The following CNTN4 variants were observed in gnomAD, a reference collection of about 807,000 sequenced individuals.
The protein encoded by CNTN4 is contactin 4.
In CNTN4, 77 loss-of-function variants were observed where a neutral mutation model predicts 122.5. The observed-to-expected ratio is 0.63, with a 90% CI of 0.52 to 0.76. CNTN4 has a LOEUF of 0.76. CNTN4 is among the 30% of genes least tolerant of loss of function. The pLI is 0.00. For missense variants in CNTN4, 1,256 were observed against 1,259.1 expected, an observed-to-expected ratio of 1.00 and a Z score of 0.04; for synonymous variants, 512 against 447.0, an observed-to-expected ratio of 1.15 and a Z score of -1.83.
chr3:2,493,730 A>G (rs1415567353), intron 3 of CNTN4, among the ~76,000 whole-genome samples: 1 of 152,106 alleles, frequency 6.6e-6, no homozygotes, highest in East Asian at 1.9e-4. Context: ...CACATTCACA[A>G]CTAATACGGT....
At chr3:2,411,823 TTTC>T (rs1405207487) in intron 3 of CNTN4, among the ~76,000 whole-genome samples, 25 of 152,336 alleles carry the variant, frequency 1.6e-4, no homozygotes, top group African/African-American at 5.8e-4. Context: ...GTTTTCCCCT[TTTC>T]CATTGAGATG....
intron 4 of CNTN4, among the ~76,000 whole-genome samples, chr3:2,689,674 T>G (rs1245674356): frequency 6.6e-6 from 1 of 152,054 alleles, no homozygotes; most frequent in African/African-American, 2.4e-5. Flanking sequence ...TGGAGCAAAC[T>G]CTCTGAAATC....
At chr3:2,481,592 CTG>C (rs1559593550) in intron 3 of CNTN4, among the ~76,000 whole-genome samples, 2 of 152,168 alleles carry the variant, frequency 1.3e-5, no homozygotes, top group Non-Finnish European at 2.9e-5. Context: ...AAATTTAAAA[CTG>C]TAAAACCTCT....
chr3:2,819,570 C>T lies in CNTN4; in HGVS notation c.443C>T (p.Pro148Leu). The T allele has an allele frequency of 6.2e-6, 10 of 1,611,580 alleles. No individual in the cohort carries two copies. Among genetic ancestry groups the T allele is most frequent in the Non-Finnish European group, 8.5e-6 (10 of 1,177,700 alleles). The stretch of plus-strand genomic sequence containing the variant: ...ATGGTGCTACTGTGTGGCCCGCCAC[C>T]CCATTCTGGAGGTACATATAAATGA... ...QGMVLLCGPP[P>L]HSGELSYAWI... The change falls in exon 7 of 25, where the codon CCC becomes CTC. Residue 148 changes from proline (P) to leucine (L), a missense_variant. Pro to Leu is a moderately conservative substitution (Grantham distance 98). Coordinates refer to ENST00000418658, the MANE Select transcript of CNTN4 (RefSeq NM_175607.3).
intron 6 of CNTN4, among the ~76,000 whole-genome samples, chr3:2,799,627 T>C (rs2092297101): frequency 6.6e-6 from 1 of 152,144 alleles, no homozygotes; most frequent in East Asian, 1.9e-4. Flanking sequence ...CATGCCCGGC[T>C]AATTTTTGTA....
At chr3:2,824,218 G>A (rs1278637809) in intron 7 of CNTN4, among the ~76,000 whole-genome samples, 1 of 151,538 alleles carries the variant, frequency 6.6e-6, no homozygotes, top group East Asian at 1.9e-4. Flanking sequence ...CAGCACTTTG[G>A]GAGGAGGCCG....
intron 3 of CNTN4, among the ~76,000 whole-genome samples, chr3:2,389,628 A>G (rs377666155): frequency 1.3e-5 from 2 of 151,936 alleles, no homozygotes; most frequent in African/African-American, 4.8e-5. Context: ...CCTTGAGAAA[A>G]TGAATATTCC....
chr3:2,182,300 A>G lies in CNTN4; in HGVS notation c.-145+81661A>G, dbSNP rs140823052. Among the ~76,000 whole-genome samples the G allele has an allele frequency of 2.5e-3, 382 of 152,062 alleles. 1 individual carries two copies. The highest frequency in any genetic ancestry group is 6.8e-3 in the Middle Eastern group (2 of 294). On this transcript the variant is annotated intron_variant, in intron 2 of 24. Transcript: ENST00000418658. The stretch of plus-strand genomic sequence containing the variant: ...ACACATACACACACCCCACACACAT[A>G]TACACATATATATCTATCCTTGGAT...
rs771106730 is a variant in CNTN4 at position 2,900,655 on chromosome 3, C to T, written c.941-30C>T. The T allele has an allele frequency of 1.1e-5, 18 of 1,610,762 alleles. No homozygotes were observed. In the East Asian group the frequency reaches 2.2e-4, roughly 20 times the overall value. On this transcript the variant is annotated intron_variant, in intron 10 of 24. Coordinates refer to ENST00000418658, the MANE Select transcript of CNTN4 (RefSeq NM_175607.3). ...ATAGATTGAGTACACACTGAATATA[C>T]ACCTTTCTTTGCTTTTTGGATGCCT...
At chr3:2,142,629 C>T (rs2035052132) in intron 2 of CNTN4, among the ~76,000 whole-genome samples, 1 of 152,214 alleles carries the variant, frequency 6.6e-6, no homozygotes, top group South Asian at 2.1e-4. Context: ...AGGCGCAAGC[C>T]ACTGTGCCTG....
chr3:2,979,302 G>A (rs1693733328), intron 13 of CNTN4, among the ~76,000 whole-genome samples: 3 of 152,136 alleles, frequency 2.0e-5, no homozygotes, highest in Admixed American at 6.6e-5. Context: ...TCTGGTGAAG[G>A]GGAGGTAAAA....
chr3:2,751,156 A>T (rs1193491060), intron 6 of CNTN4, among the ~76,000 whole-genome samples: 2 of 152,016 alleles, frequency 1.3e-5, no homozygotes, highest in East Asian at 3.9e-4. Context: ...ACAAAAAAAA[A>T]AATTAGCCAG....
intron 2 of CNTN4, among the ~76,000 whole-genome samples, chr3:2,207,678 T>G (rs981699076): frequency 2.6e-5 from 4 of 152,208 alleles, no homozygotes; most frequent in Middle Eastern, 3.4e-3. Flanking sequence ...CCAGCAAGTG[T>G]GATGTAGAAG....
chr3:2,122,752 G>T (rs555823711), intron 2 of CNTN4, among the ~76,000 whole-genome samples: 1 of 152,276 alleles, frequency 6.6e-6, no homozygotes, highest in African/African-American at 2.4e-5. Flanking sequence ...TTGAGTTGAT[G>T]CAGTAGCTCC....
chr3:2,606,381 C>T (rs1014537599), intron 4 of CNTN4, among the ~76,000 whole-genome samples: 13 of 152,088 alleles, frequency 8.5e-5, no homozygotes, highest in Non-Finnish European at 7.4e-5. Context: ...AAACAGCTAA[C>T]GCATGCTCAG....
chr3:2,926,635 C>T (rs1421866720), intron 13 of CNTN4, among the ~76,000 whole-genome samples: 1 of 152,116 alleles, frequency 6.6e-6, no homozygotes, highest in East Asian at 1.9e-4. Context: ...CTCAAGGATG[C>T]AAGAAGGAAG....
At chr3:2,853,283 C>T (rs903066848) in intron 7 of CNTN4, among the ~76,000 whole-genome samples, 10 of 152,112 alleles carry the variant, frequency 6.6e-5, no homozygotes, top group South Asian at 2.1e-4. Context: ...CTCACTCTGT[C>T]GCCCAGGCTG....
chr3:2,534,433 C>G (rs970233196), intron 3 of CNTN4, among the ~76,000 whole-genome samples: 1 of 152,126 alleles, frequency 6.6e-6, no homozygotes, highest in African/African-American at 2.4e-5. Context: ...GGGCTCTGTT[C>G]TATTCCATTA....
At chr3:2,529,010 C>T (rs976319654) in intron 3 of CNTN4, among the ~76,000 whole-genome samples, 6 of 152,008 alleles carry the variant, frequency 3.9e-5, no homozygotes, top group Non-Finnish European at 8.8e-5. Flanking sequence ...TTATTGTTAG[C>T]TATGGTACTC....
Sources: allele counts gnomAD v4.1 joint callset (sites outside exome capture counted in the v4.1 genomes callset), GRCh38; gene constraint gnomAD v4.1.1; transcripts MANE v1.5; gene names NCBI Gene and HGNC (gene_info 2026-07-23, HGNC 2026-07-21).